The following GABRA3 variants were observed in gnomAD, a reference collection of about 807,000 sequenced individuals.
The protein encoded by GABRA3 is gamma-aminobutyric acid receptor subunit alpha-3.
GABRA3 carries 10 observed loss-of-function variants against 30.1 expected under a neutral mutation model. The observed-to-expected ratio is 0.33, with a 90% CI of 0.20 to 0.56. The LOEUF is 0.56. Ranked by LOEUF, GABRA3 falls within the 20% of genes least tolerant of loss-of-function variation. The pLI is 0.89. For synonymous variants in GABRA3, 151 were observed against 146.8 expected (o/e 1.03, Z -0.21); for missense variants, 233 against 392.0 (o/e 0.59, Z 3.42).
At chrX:152,198,951 A>G (rs1240359752) in intron 7 of GABRA3, among the ~76,000 whole-genome samples, 1 of 112,023 alleles carries the variant, frequency 8.9e-6, no homozygotes, top group Non-Finnish European at 1.9e-5. Flanking sequence ...AGATGTAGTT[A>G]GTTAAGATGA....
intron 1 of GABRA3, among the ~76,000 whole-genome samples, chrX:152,383,983 A>G (rs1019431482): frequency 1.8e-5 from 2 of 109,647 alleles, no homozygotes; most frequent in Admixed American, 9.8e-5. Flanking sequence ...CAAAAAAAAA[A>G]AAAAAAAGAA....
At chrX:152,190,802 AG>A (rs1178042793) in intron 8 of GABRA3, among the ~76,000 whole-genome samples, 1 of 109,369 alleles carries the variant, frequency 9.1e-6, no homozygotes, top group African/African-American at 3.3e-5. Flanking sequence ...TCTAAATTCA[AG>A]GCTTTATTTA....
chrX:152,234,873 G>C (rs1174389955), intron 5 of GABRA3, among the ~76,000 whole-genome samples: 1 of 111,804 alleles, frequency 8.9e-6, no homozygotes, highest in Non-Finnish European at 1.9e-5. Flanking sequence ...GGTTAGTATA[G>C]CCTTGTAGAA....
intron 6 of GABRA3, among the ~76,000 whole-genome samples, chrX:152,220,655 A>T (rs975482313): frequency 2.7e-5 from 3 of 112,030 alleles, no homozygotes; most frequent in African/African-American, 6.5e-5. Flanking sequence ...CTTGGTACAA[A>T]CGTAGATTCT....
chrX:152,275,692 G>T (rs1189057852), intron 4 of GABRA3, among the ~76,000 whole-genome samples: 3 of 108,500 alleles, frequency 2.8e-5, no homozygotes, highest in Non-Finnish European at 5.7e-5. Flanking sequence ...CTGGGAGGCA[G>T]AAGTTGCAGT....
chrX:152,261,542 T>C (rs1569373094), intron 4 of GABRA3, among the ~76,000 whole-genome samples: 1 of 112,050 alleles, frequency 8.9e-6, no homozygotes, highest in Non-Finnish European at 1.9e-5. Context: ...CCCATGCAAG[T>C]CCAAAATCCA....
chrX:152,181,644 G>A (rs1330873959), intron 9 of GABRA3, among the ~76,000 whole-genome samples: 1 of 109,292 alleles, frequency 9.1e-6, no homozygotes. Flanking sequence ...ACACAGGAAG[G>A]GGAACATCAC....
chrX:152,393,632 G>C (rs1364629980), intron 1 of GABRA3: 1 of 241,321 alleles, frequency 4.1e-6, no homozygotes, highest in East Asian at 1.5e-4. Flanking sequence ...ACTTATTTAG[G>C]CAAACAGCAT....
At chrX:152,416,513 A>G (rs1930222996) in intron 1 of GABRA3, among the ~76,000 whole-genome samples, 1 of 110,630 alleles carries the variant, frequency 9.0e-6, no homozygotes, top group Non-Finnish European at 1.9e-5. Context: ...ACATAATTGG[A>G]AAAAACTACT....
At chrX:152,278,279 G>A (rs1603231933) in intron 4 of GABRA3, among the ~76,000 whole-genome samples, 1 of 101,697 alleles carries the variant, frequency 9.8e-6, no homozygotes, top group South Asian at 4.9e-4. Context: ...CCCACAACAG[G>A]CCCCAGTGTG....
intron 4 of GABRA3, among the ~76,000 whole-genome samples, chrX:152,268,688 C>T (rs1314691838): frequency 9.0e-6 from 1 of 111,557 alleles, no homozygotes; most frequent in Non-Finnish European, 1.9e-5. Flanking sequence ...CCACCTCAGC[C>T]TCCCAAGTAG....
intron 5 of GABRA3, among the ~76,000 whole-genome samples, chrX:152,229,335 G>A (rs1246008629): frequency 9.0e-6 from 1 of 111,248 alleles, no homozygotes. Context: ...CCTTCTTTGG[G>A]AGACGAGGAT....
At chrX:152,421,098 TACACACACACACAC>T (rs60206606) in intron 1 of GABRA3, among the ~76,000 whole-genome samples, 2 of 94,982 alleles carry the variant, frequency 2.1e-5, no homozygotes, top group East Asian at 3.4e-4. Context: ...TTACACATTA[TACACACACACACAC>T]ACACACACAC....
At chrX:152,442,938 G>A (rs1048515161) in intron 1 of GABRA3, among the ~76,000 whole-genome samples, 1 of 111,749 alleles carries the variant, frequency 8.9e-6, no homozygotes, top group Non-Finnish European at 1.9e-5. Flanking sequence ...AATTTTGAAT[G>A]AGGAAGAAAT....
At chrX:152,413,169 AC>A (rs1457288932) in intron 1 of GABRA3, among the ~76,000 whole-genome samples, 1 of 110,924 alleles carries the variant, frequency 9.0e-6, no homozygotes, top group Non-Finnish European at 1.9e-5. Flanking sequence ...CTGAATTCTC[AC>A]CAAAAACCTT....
At chrX:152,349,534 C>T (rs1263921557) in intron 2 of GABRA3, among the ~76,000 whole-genome samples, 1 of 109,396 alleles carries the variant, frequency 9.1e-6, no homozygotes, top group Non-Finnish European at 1.9e-5. Context: ...AGTCAAGACC[C>T]ATGAGTGTGC....
intron 4 of GABRA3, among the ~76,000 whole-genome samples, chrX:152,280,805 A>G: frequency 9.0e-6 from 1 of 111,333 alleles, no homozygotes; most frequent in Middle Eastern, 4.6e-3. Flanking sequence ...AGTGGGATCT[A>G]AGCAAAGTAT....
At chrX:152,444,179 A>C (rs756245524) in intron 1 of GABRA3, among the ~76,000 whole-genome samples, 1 of 111,579 alleles carries the variant, frequency 9.0e-6, no homozygotes, top group African/African-American at 3.3e-5. Context: ...AAATATACTC[A>C]ATTTTTTAAA....
intron 1 of GABRA3, among the ~76,000 whole-genome samples, chrX:152,401,809 C>A (rs1929803297): frequency 9.0e-6 from 1 of 111,228 alleles, no homozygotes; most frequent in African/African-American, 3.3e-5. Context: ...TGCTTGGAGA[C>A]CATTGTAGGA....
Sources: allele counts gnomAD v4.1 joint callset (sites outside exome capture counted in the v4.1 genomes callset), GRCh38; gene constraint gnomAD v4.1.1; transcripts MANE v1.5; gene names NCBI Gene and HGNC (gene_info 2026-07-23, HGNC 2026-07-21).